The following RALGAPA1 variants were observed in gnomAD, a reference collection of about 807,000 sequenced individuals.
The protein encoded by RALGAPA1 is Ral GTPase activating protein catalytic subunit alpha 1, also known as ral GTPase-activating protein subunit alpha-1.
A neutral mutation model predicts 269.6 loss-of-function variants in RALGAPA1; 52 were observed. The observed-to-expected ratio is 0.19, with a 90% CI of 0.15 to 0.24. The LOEUF (loss-of-function observed/expected upper bound fraction) is 0.24. Ranked by LOEUF, RALGAPA1 falls within the 10% of genes least tolerant of loss-of-function variation. The probability of loss-of-function intolerance (pLI) is 1.00; values close to 1 mark genes in which losing one functional copy is unlikely to be tolerated. For synonymous variants in RALGAPA1, 817 were observed against 1,008.3 expected (o/e 0.81, Z 3.60); for missense variants, 1,917 against 3,013.9 (o/e 0.64, Z 8.52).
At chr14:35,584,470 G>T (rs565678330) in intron 37 of RALGAPA1, among the ~76,000 whole-genome samples, 9 of 152,216 alleles carry the variant, frequency 5.9e-5, no homozygotes, top group Admixed American at 5.2e-4. Flanking sequence ...TCACCATGTT[G>T]CCCAGGCTGG....
chr14:35,628,018 T>C (rs952476634), intron 33 of RALGAPA1, 67 bp from the exon 34 acceptor site: 15 of 1,450,488 alleles, frequency 1.0e-5, no homozygotes, highest in Non-Finnish European at 1.4e-5. Flanking sequence ...GACAATGAAA[T>C]ATTAGACAAC....
chr14:35,720,301 C>T (rs1220941004), intron 16 of RALGAPA1, among the ~76,000 whole-genome samples: 1 of 152,054 alleles, frequency 6.6e-6, no homozygotes, highest in Non-Finnish European at 1.5e-5. Flanking sequence ...AATATGTGAT[C>T]CTTTTAAAGG....
At chr14:35,708,406 G>A (rs530150058) in intron 16 of RALGAPA1, among the ~76,000 whole-genome samples, 1 of 152,016 alleles carries the variant, frequency 6.6e-6, no homozygotes, top group African/African-American at 2.4e-5. Context: ...CAACTCTACA[G>A]GAAAAAAATT....
At chr14:35,645,346 G>GGTGGGTGTGTGTGTGTGTGT (rs1555387899) in intron 31 of RALGAPA1, among the ~76,000 whole-genome samples, 2 of 129,562 alleles carry the variant, frequency 1.5e-5, no homozygotes, top group South Asian at 2.8e-4. Flanking sequence ...TATAGAGATG[G>GGTGGGTGTGTGTGTGTGTGT]GTGTGTGTGT....
chr14:35,552,920 C>T (rs945088746), intron 39 of RALGAPA1, among the ~76,000 whole-genome samples: 3 of 152,060 alleles, frequency 2.0e-5, no homozygotes, highest in Non-Finnish European at 4.4e-5. Flanking sequence ...AACATCATTA[C>T]ATATTTTAAA....
intron 31 of RALGAPA1, among the ~76,000 whole-genome samples, chr14:35,640,141 C>A (rs61989604): frequency 1.3e-5 from 2 of 151,654 alleles, no homozygotes; most frequent in African/African-American, 4.8e-5. Flanking sequence ...AGCAGAAAAA[C>A]GTCAAGTAAA....
chr14:35,541,340 C>T (rs539472347), intron 41 of RALGAPA1, among the ~76,000 whole-genome samples: 14 of 152,070 alleles, frequency 9.2e-5, no homozygotes, highest in South Asian at 2.1e-4. Context: ...CCACCGCACC[C>T]GGCCTTCAAA....
intron 36 of RALGAPA1, among the ~76,000 whole-genome samples, chr14:35,598,324 ACTCTGGCT>A (rs1206777692): frequency 6.6e-6 from 1 of 150,730 alleles, no homozygotes; most frequent in African/African-American, 2.4e-5. Context: ...TAATGCAGTC[ACTCTGGCT>A]TTTCTTTGAT....
chr14:35,779,529 A>AAAT lies in RALGAPA1; in HGVS notation c.107-3787_107-3785dup, dbSNP rs573984561. On this transcript the variant is annotated intron_variant, in intron 1 of 41. Transcript: ENST00000680220. Reference sequence around the variant, plus strand: ...GGCAACAAAGCGAGACCTTGTCACTAAATAATAATAATAATAATAATGAAA... The same window carrying AAAT: ...GGCAACAAAGCGAGACCTTGTCACTAAATAATAATAATAATAATAATAATGAAA... 1.0e-3 allele frequency among the ~76,000 whole-genome samples: 156 copies of AAAT among 150,986 alleles called. No homozygotes were observed. In the Middle Eastern group the frequency reaches 0.01, roughly 10 times the overall value.
At chr14:35,605,417 C>G (rs1566801463) in intron 36 of RALGAPA1, among the ~76,000 whole-genome samples, 169 bp downstream of exon 36, 1 of 152,090 alleles carries the variant, frequency 6.6e-6, no homozygotes, top group African/African-American at 2.4e-5. Context: ...CTTTCAAAGT[C>G]CCAACTGCTG....
Position 35,689,495 on chromosome 14 carries a change from T to A in RALGAPA1, c.2916A>T (p.Val972=). 1.6e-6 allele frequency: 2 copies of A among 1,236,854 alleles called. No individual in the cohort carries two copies. The highest frequency in any genetic ancestry group is 2.0e-6 in the Non-Finnish European group (2 of 991,306). The allele number at this position is 1,236,854 out of a possible 1,614,324, so 76.6% of individuals were successfully genotyped here. ...DPASQEVTIA[V]NRGERLSLDK... is the part of the protein sequence containing the mutation. ...CTAAGGATAATCTTTCACCCCTATT[T>A]ACTGCAATAGTCACTTCCTGAGAAG... is the stretch of plus-strand genomic sequence containing the variant. The change falls in exon 18 of 42, where the codon GTA becomes GTT. Residue 972 remains valine, a synonymous_variant. Coordinates refer to ENST00000680220, the MANE Select transcript of RALGAPA1 (RefSeq NM_001346249.2).
chr14:35,644,800 A>C (rs1329810114), intron 31 of RALGAPA1, among the ~76,000 whole-genome samples: 4 of 152,080 alleles, frequency 2.6e-5, no homozygotes, highest in Non-Finnish European at 5.9e-5. Flanking sequence ...ATCAGGACAA[A>C]CAGCTAATGC....
chr14:35,576,459 T>C (rs2057567016), intron 37 of RALGAPA1, among the ~76,000 whole-genome samples: 1 of 152,230 alleles, frequency 6.6e-6, no homozygotes. Context: ...ATGCTATTCA[T>C]GTGCTGGCTC....
chr14:35,654,935 T>C (rs542922041), intron 29 of RALGAPA1, among the ~76,000 whole-genome samples: 1 of 152,316 alleles, frequency 6.6e-6, no homozygotes, highest in East Asian at 1.9e-4. Context: ...CAAACCCCAA[T>C]GTGTCTCCTC....
intron 16 of RALGAPA1, among the ~76,000 whole-genome samples, chr14:35,713,207 G>C (rs1411533479): frequency 6.6e-6 from 1 of 152,214 alleles, no homozygotes; most frequent in Non-Finnish European, 1.5e-5. Flanking sequence ...AGATGTAGTG[G>C]TGTACTGGAC....
At chr14:35,764,123 T>C (rs79916424) in intron 4 of RALGAPA1, among the ~76,000 whole-genome samples, 3,314 of 151,864 alleles carry the variant, frequency 0.022, 122 homozygotes, top group South Asian at 0.14. Flanking sequence ...TGGGGTCTTG[T>C]TCTGTTGTTC....
At chr14:35,659,908 A>G (rs2063425696) in intron 27 of RALGAPA1, among the ~76,000 whole-genome samples, 1 of 152,222 alleles carries the variant, frequency 6.6e-6, no homozygotes, top group African/African-American at 2.4e-5. Flanking sequence ...ACTTAAGTAG[A>G]ATACATAGCT....
intron 1 of RALGAPA1, among the ~76,000 whole-genome samples, chr14:35,803,106 T>A (rs2077097800): frequency 6.6e-6 from 1 of 152,148 alleles, no homozygotes; most frequent in African/African-American, 2.4e-5. Flanking sequence ...AGATTTATTA[T>A]AAAGTTACAG....
chr14:35,786,024 G>A (rs933056272), intron 1 of RALGAPA1, among the ~76,000 whole-genome samples: 1 of 152,136 alleles, frequency 6.6e-6, no homozygotes, highest in African/African-American at 2.4e-5. Context: ...GGGCGTGGTA[G>A]TGCACACCTA....
Sources: gnomAD v4.1 joint callset for allele counts (sites outside exome capture counted in the v4.1 genomes callset) on GRCh38, gnomAD v4.1.1 for gene constraint, MANE v1.5 for transcripts, NCBI Gene and HGNC (gene_info 2026-07-23, HGNC 2026-07-21) for gene names.